PDE1A: variants seen among roughly 807,000 people sequenced by gnomAD.
The protein encoded by PDE1A is phosphodiesterase 1A.
A neutral mutation model predicts 61.7 loss-of-function variants in PDE1A; 35 were observed. The ratio of observed to expected loss-of-function variants is 0.57; its 90% CI spans 0.43 to 0.75. The LOEUF (loss-of-function observed/expected upper bound fraction) is 0.75, where lower values mean the gene tolerates loss of function less well. Ranked by LOEUF, PDE1A falls within the 30% of genes least tolerant of loss-of-function variation. The pLI is 0.00. For missense variants in PDE1A, 597 were observed against 630.6 expected, an observed-to-expected ratio of 0.95 and a Z score of 0.57; for synonymous variants, 232 against 213.2, an observed-to-expected ratio of 1.09 and a Z score of -0.77.
rs73040200 is a variant in PDE1A, at chr2:182,171,585, T to A, written c.1517-3295A>T. Among the ~76,000 whole-genome samples the A allele has an allele frequency of 7.4e-3, 1,125 of 151,926 alleles. 11 individuals are homozygous for A. The highest frequency in any genetic ancestry group is 0.025 in the African/African-American group (1,028 of 41,460). On this transcript the variant is annotated intron_variant, in intron 13 of 13. Transcript: ENST00000351439. ...GAGTGGTAACAAAAGAAGGGATTTCTGTTCTTCAAGGTGTAAGGTTAAGAC... is the reference window on the plus strand; with the variant it reads ...GAGTGGTAACAAAAGAAGGGATTTCAGTTCTTCAAGGTGTAAGGTTAAGAC...
rs113311436 is a variant in PDE1A, at chr2:182,265,345, C to T, written c.54-931G>A. Among the ~76,000 whole-genome samples the T allele has an allele frequency of 9.4e-3, 1,428 of 152,052 alleles. 19 individuals carry two copies. The highest frequency in any genetic ancestry group is 0.032 in the African/African-American group (1,323 of 41,474). ...AGAGTGCTTTTCTGACTGCTAGATTCGCTATTATTCACTGTATAAAGCAAT... is the reference window on the plus strand; with the variant it reads ...AGAGTGCTTTTCTGACTGCTAGATTTGCTATTATTCACTGTATAAAGCAAT... On this transcript the variant is annotated intron_variant, in intron 1 of 13. Coordinates refer to ENST00000351439, the Ensembl canonical transcript of PDE1A.
intron 3 of PDE1A, among the ~76,000 whole-genome samples, chr2:182,237,739 A>G (rs921584942): frequency 2.6e-5 from 4 of 152,226 alleles, no homozygotes; most frequent in Non-Finnish European, 5.9e-5. Context: ...CTGGAACGGT[A>G]AAAGGGCCAG....
chr2:182,147,985 A>G (rs554620135), intron 13 of PDE1A, among the ~76,000 whole-genome samples: 48 of 152,350 alleles, frequency 3.2e-4, no homozygotes, highest in African/African-American at 8.9e-4. Context: ...TGTTGAGGTT[A>G]TGTAATTAGT....
chr2:182,658,870 T>A, the PDE1A span, among the ~76,000 whole-genome samples: 1 of 152,176 alleles, frequency 6.6e-6, no homozygotes, highest in Admixed American at 6.6e-5. Context: ...CACTCCTTCT[T>A]AAATTCCATT....
chr2:182,150,505 G>C (rs1690721114), intron 13 of PDE1A, among the ~76,000 whole-genome samples: 2 of 152,184 alleles, frequency 1.3e-5, no homozygotes, highest in African/African-American at 2.4e-5. Context: ...AATGCAAGTG[G>C]TCTGTTCAAA....
chr2:182,370,160 G>C (rs1292177392), intron 1 of PDE1A, among the ~76,000 whole-genome samples: 1 of 150,894 alleles, frequency 6.6e-6, no homozygotes, highest in African/African-American at 2.4e-5. Context: ...CTGGACGACA[G>C]AGTGAGACTT....
the PDE1A span, among the ~76,000 whole-genome samples, chr2:182,646,401 A>AG: frequency 6.6e-6 from 1 of 151,258 alleles, no homozygotes; most frequent in East Asian, 1.9e-4. Flanking sequence ...CAAAAAAAAA[A>AG]AAAAAAAGCC....
chr2:182,712,195 T>A, the PDE1A span, among the ~76,000 whole-genome samples: 5 of 152,316 alleles, frequency 3.3e-5, no homozygotes, highest in Admixed American at 3.3e-4. Context: ...AGTGTCAAAG[T>A]CTTAAAAGTC....
At chr2:182,442,424 T>A (rs1242278885) in intron 2 of PDE1A, among the ~76,000 whole-genome samples, 2 of 152,010 alleles carry the variant, frequency 1.3e-5, no homozygotes, top group African/African-American at 4.8e-5. Context: ...GACATAGATA[T>A]AAAAGACTAT....
intron 1 of PDE1A, among the ~76,000 whole-genome samples, chr2:182,314,017 C>G (rs1289116282): frequency 6.6e-6 from 1 of 152,132 alleles, no homozygotes; most frequent in Non-Finnish European, 1.5e-5. Flanking sequence ...TACAGTCCAG[C>G]AATGCCATTT....
At chr2:182,525,677 G>A (rs1037533539), upstream of PDE1A, among the ~76,000 whole-genome samples, 1 of 152,112 alleles carries the variant, frequency 6.6e-6, no homozygotes, top group African/African-American at 2.4e-5. Context: ...AGAACCATGA[G>A]CCAATTAAAC....
At chr2:182,529,842 C>T in the PDE1A span, among the ~76,000 whole-genome samples, 425 of 152,292 alleles carry the variant, frequency 2.8e-3, 2 homozygotes, top group Admixed American at 3.1e-3. Flanking sequence ...TTGATTTCCA[C>T]CATGATTGTG....
intron 6 of PDE1A, among the ~76,000 whole-genome samples, chr2:182,224,253 A>C (rs1202147807): frequency 6.6e-6 from 1 of 151,864 alleles, no homozygotes; most frequent in Non-Finnish European, 1.5e-5. Flanking sequence ...CTGGATTTTG[A>C]ATTTACAGCC....
intron 13 of PDE1A, among the ~76,000 whole-genome samples, chr2:182,157,456 A>G (rs986580946): frequency 6.6e-6 from 1 of 152,182 alleles, no homozygotes; most frequent in African/African-American, 2.4e-5. Context: ...AGAGACTGCA[A>G]ATATCACAAG....
chr2:182,540,054 C>G, the PDE1A span, among the ~76,000 whole-genome samples: 1 of 152,086 alleles, frequency 6.6e-6, no homozygotes, highest in Non-Finnish European at 1.5e-5. Context: ...TTACTGACAT[C>G]AAATCATTTA....
the PDE1A span, among the ~76,000 whole-genome samples, chr2:182,667,298 C>G: frequency 2.0e-5 from 3 of 152,218 alleles, 1 homozygote; most frequent in South Asian, 6.2e-4. Context: ...TAATCAGAAT[C>G]TGCCAGCCTT....
intron 2 of PDE1A, among the ~76,000 whole-genome samples, chr2:182,470,837 A>G (rs1207807240): frequency 6.6e-6 from 1 of 151,834 alleles, no homozygotes; most frequent in Non-Finnish European, 1.5e-5. Flanking sequence ...TTGCACAAGG[A>G]GCATTAGGCT....
chr2:182,421,474 A>G (rs1703275470), intron 1 of PDE1A, among the ~76,000 whole-genome samples: 1 of 152,138 alleles, frequency 6.6e-6, no homozygotes, highest in Non-Finnish European at 1.5e-5. Flanking sequence ...AAATACACCA[A>G]GTTTTCTATG....
the PDE1A span, among the ~76,000 whole-genome samples, chr2:182,685,363 G>A: frequency 6.6e-6 from 1 of 152,118 alleles, no homozygotes; most frequent in African/African-American, 2.4e-5. Flanking sequence ...GTATTTGTAT[G>A]CTATGTATAA....
Sources: allele counts gnomAD v4.1 joint callset (sites outside exome capture counted in the v4.1 genomes callset), GRCh38; gene constraint gnomAD v4.1.1; transcripts MANE v1.5; gene names NCBI Gene and HGNC (gene_info 2026-07-23, HGNC 2026-07-21).